SLC35F3: variants seen among roughly 807,000 people sequenced by gnomAD.
The protein encoded by SLC35F3 is putative thiamine transporter SLC35F3.
Under a neutral mutation model 49.9 loss-of-function variants are expected in SLC35F3, and 25 were observed. The observed-to-expected ratio is 0.50, with a 90% CI of 0.37 to 0.70. The LOEUF is 0.70. Ranked by LOEUF, SLC35F3 falls within the 30% of genes least tolerant of loss-of-function variation. The probability of loss-of-function intolerance (pLI) is 0.00; values close to 1 mark genes in which losing one functional copy is unlikely to be tolerated. For missense variants in SLC35F3, 525 were observed against 639.8 expected (o/e 0.82, Z 1.94); for synonymous variants, 275 against 265.4 (o/e 1.04, Z -0.35).
intron 2 of SLC35F3, among the ~76,000 whole-genome samples, chr1:233,916,348 G>A (rs145231626): frequency 0.01 from 1,585 of 152,254 alleles, 28 homozygotes; most frequent in African/African-American, 0.037. Flanking sequence ...GCTCACTGCA[G>A]CCTCTAACTC....
intron 2 of SLC35F3, among the ~76,000 whole-genome samples, chr1:234,223,219 C>A (rs1284918855): frequency 6.6e-6 from 1 of 152,108 alleles, no homozygotes; most frequent in East Asian, 1.9e-4. Context: ...TTATTCGGGA[C>A]CTCTAAGGAA....
At chr1:234,240,121 A>T (rs191047120) in intron 3 of SLC35F3, among the ~76,000 whole-genome samples, 5 of 152,366 alleles carry the variant, frequency 3.3e-5, no homozygotes, top group African/African-American at 7.2e-5. Context: ...TAAAGTGATG[A>T]TGATGATGTC....
intron 2 of SLC35F3, among the ~76,000 whole-genome samples, chr1:234,176,746 A>T (rs1666481698): frequency 6.6e-6 from 1 of 152,194 alleles, no homozygotes; most frequent in Non-Finnish European, 1.5e-5. Context: ...CCCCAGACAG[A>T]CTGAACTTGA....
chr1:234,058,131 G>T (rs1664482097), intron 2 of SLC35F3, among the ~76,000 whole-genome samples: 1 of 151,674 alleles, frequency 6.6e-6, no homozygotes, highest in Non-Finnish European at 1.5e-5. Context: ...CCTTAGGTTT[G>T]TTGAGCGCTT....
In SLC35F3 at chr1:234,164,716, A is replaced by AGG. The variant is rs533604667; in HGVS notation, c.284-66700_284-66699insGG. 7.6e-3 allele frequency among the ~76,000 whole-genome samples: 1,153 copies of AGG among 151,952 alleles called. 20 individuals carry two copies. Among genetic ancestry groups the AGG allele is most frequent in the African/African-American group, 0.025 (1,041 of 41,332 alleles). On this transcript the variant is annotated intron_variant, in intron 2 of 7. Coordinates refer to ENST00000366618, the MANE Select transcript of SLC35F3 (RefSeq NM_173508.4). Reference sequence around the variant, plus strand: ...TCCTCCCATGTGAATGAGACATCAGAGCAATTTACCATGGCACTCTGTAAA... The same window carrying AGG: ...TCCTCCCATGTGAATGAGACATCAGAGGGCAATTTACCATGGCACTCTGTAAA...
intron 2 of SLC35F3, among the ~76,000 whole-genome samples, chr1:234,009,036 GTTTGT>G (rs1298614443): frequency 6.6e-6 from 1 of 152,156 alleles, no homozygotes; most frequent in Admixed American, 6.5e-5. Flanking sequence ...GGCAAAGTTT[GTTTGT>G]TTTAACTTCA....
At chr1:233,982,224 TG>T (rs1303076026) in intron 2 of SLC35F3, among the ~76,000 whole-genome samples, 1 of 152,236 alleles carries the variant, frequency 6.6e-6, no homozygotes, top group Non-Finnish European at 1.5e-5. Context: ...GACGCCCAGC[TG>T]TGATGTTGAA....
chr1:234,004,165 CATT>C (rs1295168286), intron 2 of SLC35F3, among the ~76,000 whole-genome samples: 1 of 152,092 alleles, frequency 6.6e-6, no homozygotes, highest in Non-Finnish European at 1.5e-5. Context: ...TTCTCTACAT[CATT>C]ATAACAGCAA....
chr1:234,267,532 A>C (rs1668008835), intron 3 of SLC35F3, among the ~76,000 whole-genome samples: 4 of 146,834 alleles, frequency 2.7e-5, no homozygotes, highest in Non-Finnish European at 4.5e-5. Context: ...TCCCTCCCGG[A>C]CGGGGCGGCT....
At chr1:234,113,890 T>C (rs753490668) in intron 2 of SLC35F3, among the ~76,000 whole-genome samples, 3 of 152,176 alleles carry the variant, frequency 2.0e-5, no homozygotes, top group Non-Finnish European at 4.4e-5. Flanking sequence ...GAAAAGGTTT[T>C]GGTGACACGT....
chr1:234,130,093 G>C (rs184305822), intron 2 of SLC35F3, among the ~76,000 whole-genome samples: 7 of 152,080 alleles, frequency 4.6e-5, no homozygotes, highest in Non-Finnish European at 8.8e-5. Flanking sequence ...TAAACTGCAA[G>C]AAAATATTTA....
intron 2 of SLC35F3, chr1:234,213,388 A>G (rs974889016): frequency 6.6e-6 from 1 of 152,264 alleles, no homozygotes; most frequent in Admixed American, 6.5e-5. Flanking sequence ...GGGCATCTGT[A>G]AAGGAGATGA....
chr1:233,959,528 A>G (rs755501085), intron 2 of SLC35F3, among the ~76,000 whole-genome samples: 4 of 152,222 alleles, frequency 2.6e-5, no homozygotes, highest in Non-Finnish European at 4.4e-5. Context: ...TTTCAGTAAC[A>G]GTAGGTCACA....
chr1:233,994,108 A>G (rs1246984575), intron 2 of SLC35F3, among the ~76,000 whole-genome samples: 1 of 152,216 alleles, frequency 6.6e-6, no homozygotes, highest in Non-Finnish European at 1.5e-5. Flanking sequence ...AACATTTGTT[A>G]CTTTCTGCAG....
intron 3 of SLC35F3, among the ~76,000 whole-genome samples, chr1:234,250,847 C>T (rs956318441): frequency 1.3e-5 from 2 of 151,968 alleles, no homozygotes; most frequent in African/African-American, 4.8e-5. Flanking sequence ...CAATTGGCTG[C>T]CACAGGAGCT....
chr1:234,030,835 G>C (rs1664051566), intron 2 of SLC35F3, among the ~76,000 whole-genome samples: 1 of 152,204 alleles, frequency 6.6e-6, no homozygotes, highest in Non-Finnish European at 1.5e-5. Context: ...GATAAACCAA[G>C]AGAAAAGATG....
chr1:234,129,680 A>T (rs1246941035), intron 2 of SLC35F3, among the ~76,000 whole-genome samples: 1 of 152,266 alleles, frequency 6.6e-6, no homozygotes, highest in Non-Finnish European at 1.5e-5. Context: ...TTATAAATTT[A>T]CGCTAATTAG....
chr1:234,296,412 G>A (rs639996), intron 3 of SLC35F3, among the ~76,000 whole-genome samples: 115,108 of 152,112 alleles, frequency 0.76, 43,917 homozygotes, highest in Admixed American at 0.79. Flanking sequence ...TATTTTAATG[G>A]ACTCTTTAGA....
intron 2 of SLC35F3, among the ~76,000 whole-genome samples, chr1:234,052,282 T>C (rs1042239910): frequency 6.6e-6 from 1 of 152,254 alleles, no homozygotes; most frequent in African/African-American, 2.4e-5. Flanking sequence ...CTTTTTTTGT[T>C]GGTATGCTAT....
Sources: allele counts gnomAD v4.1 joint callset (sites outside exome capture counted in the v4.1 genomes callset), GRCh38; gene constraint gnomAD v4.1.1; transcripts MANE v1.5; gene names NCBI Gene and HGNC (gene_info 2026-07-23, HGNC 2026-07-21).